Variants in LANCL3 observed in about 807,000 individuals in gnomAD.
The protein encoded by LANCL3 is lanC-like protein 3.
A neutral mutation model predicts 26.5 loss-of-function variants in LANCL3; 19 were observed. The observed-to-expected ratio is 0.72, with a 90% confidence interval of 0.50 to 1.05. The LOEUF (loss-of-function observed/expected upper bound fraction) is 1.05, where lower values mean the gene tolerates loss of function less well. Ranked by LOEUF, LANCL3 falls within the 50% of genes least tolerant of loss-of-function variation. LANCL3 has a pLI of 0.00. For missense variants in LANCL3, 318 were observed against 362.7 expected, an observed-to-expected ratio of 0.88 and a Z score of 1.00; for synonymous variants, 160 against 166.6, an observed-to-expected ratio of 0.96 and a Z score of 0.30.
intron 1 of LANCL3, among the ~76,000 whole-genome samples, chrX:37,647,515 ACAGG>A (rs1926020396): frequency 8.9e-6 from 1 of 112,384 alleles, no homozygotes; most frequent in Non-Finnish European, 1.9e-5. Context: ...TATCCTACCA[ACAGG>A]ATGATGAGGC....
At chrX:37,607,715 G>A (rs781787868) in intron 1 of LANCL3, among the ~76,000 whole-genome samples, 72 of 112,161 alleles carry the variant, frequency 6.4e-4, no homozygotes, top group Admixed American at 2.5e-3. Flanking sequence ...CTCTAATGCT[G>A]AGTCATTTTG....
chrX:37,632,851 G>C (rs1259444478), intron 1 of LANCL3, among the ~76,000 whole-genome samples: 4 of 111,663 alleles, frequency 3.6e-5, no homozygotes, highest in African/African-American at 1.3e-4. Context: ...TTCCCTTTGT[G>C]GGTAACCCGA....
intron 1 of LANCL3, among the ~76,000 whole-genome samples, chrX:37,603,379 T>G (rs1664646030): frequency 8.9e-6 from 1 of 112,102 alleles, no homozygotes; most frequent in Non-Finnish European, 1.9e-5. Flanking sequence ...ACTGCCCCTT[T>G]GTTGACATAT....
chrX:37,638,749 A>G (rs1925779922), intron 1 of LANCL3, among the ~76,000 whole-genome samples: 1 of 111,119 alleles, frequency 9.0e-6, no homozygotes. Flanking sequence ...GAGCATTTCC[A>G]TCAATCTAGA....
chrX:37,573,574 A>G (rs1187949271), intron 1 of LANCL3, among the ~76,000 whole-genome samples: 5 of 111,741 alleles, frequency 4.5e-5, no homozygotes, highest in African/African-American at 1.3e-4. Context: ...TTTATGTCAC[A>G]AAGTTGTCTT....
rs149929699 is a variant in LANCL3 at position 37,647,117 on chromosome X, A to G, written c.574-8571A>G. The stretch of plus-strand genomic sequence containing the variant: ...ATCACGAGGTCAGGAAATCGAGACC[A>G]TCCTGGCTAAGAGGGTGCAACCCCG... On this transcript the variant is annotated intron_variant, in intron 1 of 4. Coordinates refer to ENST00000378619, the MANE Select transcript of LANCL3 (RefSeq NM_001170331.2). Among the ~76,000 whole-genome samples the G allele has an allele frequency of 6.3e-3, 700 of 111,359 alleles. 3 individuals are homozygous for G. Among genetic ancestry groups the G allele is most frequent in the African/African-American group, 0.022 (662 of 30,625 alleles).
At chrX:37,612,699 C>T (rs1252300842) in intron 1 of LANCL3, among the ~76,000 whole-genome samples, 2 of 111,977 alleles carry the variant, frequency 1.8e-5, no homozygotes, top group African/African-American at 6.5e-5. Flanking sequence ...CTCACTCTGT[C>T]CCCTCGTTTT....
At chrX:37,597,124 A>C (rs933744081) in intron 1 of LANCL3, among the ~76,000 whole-genome samples, 1 of 112,306 alleles carries the variant, frequency 8.9e-6, no homozygotes, top group Admixed American at 9.4e-5. Context: ...TTCACTAAGC[A>C]AAATGTCTTT....
intron 1 of LANCL3, among the ~76,000 whole-genome samples, chrX:37,612,972 T>C (rs187667785): frequency 7.3e-4 from 81 of 111,595 alleles, no homozygotes; most frequent in African/African-American, 2.5e-3. Flanking sequence ...TGACACTCCC[T>C]GTTTCTATCA....
At chrX:37,659,393 A>T in intron 2 of LANCL3, 69 bp from the exon 3 acceptor site, 1 of 792,497 alleles carries the variant, frequency 1.3e-6, no homozygotes, top group Middle Eastern at 2.9e-4. Flanking sequence ...TATCCTGTTG[A>T]TCTTTTCACT....
At chrX:37,609,530 A>G (rs1279382092) in intron 1 of LANCL3, among the ~76,000 whole-genome samples, 2 of 112,059 alleles carry the variant, frequency 1.8e-5, no homozygotes, top group Middle Eastern at 4.6e-3. Flanking sequence ...AGATGCTAAA[A>G]GAGATACTGC....
chrX:37,664,406 A>G (rs1051871717), intron 3 of LANCL3, among the ~76,000 whole-genome samples: 26 of 112,278 alleles, frequency 2.3e-4, no homozygotes, highest in Admixed American at 3.8e-4. Flanking sequence ...TGTGCCTGGC[A>G]TATAGCAGAT....
At chrX:37,609,692 A>T (rs1450108266) in intron 1 of LANCL3, among the ~76,000 whole-genome samples, 2 of 102,470 alleles carry the variant, frequency 2.0e-5, no homozygotes, top group African/African-American at 8.5e-5. Flanking sequence ...TGGATGGGAT[A>T]AAAAAAAACC....
At chrX:37,584,125 G>T (rs2146711390) in intron 1 of LANCL3, among the ~76,000 whole-genome samples, 1 of 111,620 alleles carries the variant, frequency 9.0e-6, no homozygotes, top group South Asian at 3.8e-4. Context: ...TACGTTTATT[G>T]ATTTGCATAT....
chrX:37,583,613 CTGTT>C (rs1445172657), intron 1 of LANCL3, among the ~76,000 whole-genome samples: 17 of 111,813 alleles, frequency 1.5e-4, no homozygotes, highest in East Asian at 2.8e-4. Context: ...ATTTGGCTCT[CTGTT>C]TGTCTATCAT....
chrX:37,592,079 T>G (rs782672575), intron 1 of LANCL3, among the ~76,000 whole-genome samples: 1 of 111,711 alleles, frequency 9.0e-6, no homozygotes, highest in Non-Finnish European at 1.9e-5. Context: ...AAAGTTTACA[T>G]GCTGAATTGT....
At position 37,657,291 on chromosome X, in the gene LANCL3, T is replaced by C. The variant is rs189949209; in HGVS notation, c.697+1480T>C. ...CGGGAGCAAAGATGCATCTGAATGT[T>C]GAGTGTAGATGAGGTGATGAGCCAG... On this transcript the variant is annotated intron_variant, in intron 2 of 4. Coordinates refer to ENST00000378619, the MANE Select transcript of LANCL3 (RefSeq NM_001170331.2). Among the ~76,000 whole-genome samples, 221 of 112,756 alleles carry C rather than the reference T, an allele frequency of 2.0e-3. 2 individuals carry two copies. Among genetic ancestry groups the C allele is most frequent in the African/African-American group, 6.8e-3 (211 of 31,130 alleles).
intron 1 of LANCL3, among the ~76,000 whole-genome samples, chrX:37,610,580 T>C (rs993660819): frequency 8.9e-6 from 1 of 111,930 alleles, no homozygotes; most frequent in Non-Finnish European, 1.9e-5. Context: ...GTAGATAGAA[T>C]GCTTGGCCCT....
At chrX:37,584,258 G>A (rs1209392885) in intron 1 of LANCL3, among the ~76,000 whole-genome samples, 1 of 109,350 alleles carries the variant, frequency 9.1e-6, no homozygotes, top group Admixed American at 9.6e-5. Context: ...ATGTTCATCA[G>A]GGATATTGGT....
Sources: allele counts gnomAD v4.1 joint callset (sites outside exome capture counted in the v4.1 genomes callset), GRCh38; gene constraint gnomAD v4.1.1; transcripts MANE v1.5; gene names NCBI Gene and HGNC (gene_info 2026-07-23, HGNC 2026-07-21).